Variants in MORC1 observed in about 807,000 individuals in gnomAD.
The protein encoded by MORC1 is MORC family CW-type zinc finger protein 1.
Under a neutral mutation model 134.9 loss-of-function variants are expected in MORC1, and 59 were observed. The observed-to-expected ratio is 0.44, with a 90% CI of 0.35 to 0.54. The LOEUF is 0.54. Among genes scored for constraint, MORC1 ranks in the 20% least tolerant of loss-of-function variants. The probability of loss-of-function intolerance (pLI) is 0.00; values close to 1 mark genes in which losing one functional copy is unlikely to be tolerated. For missense variants in MORC1, 947 were observed against 1,134.5 expected (o/e 0.83, Z 2.37); for synonymous variants, 395 against 391.7 (o/e 1.01, Z -0.10).
chr3:109,082,126 T>TC (rs1950532470), intron 8 of MORC1, among the ~76,000 whole-genome samples: 1 of 151,784 alleles, frequency 6.6e-6, no homozygotes, highest in African/African-American at 2.4e-5. Flanking sequence ...TGCTGGGGAA[T>TC]CCCCCTTAGG....
intron 17 of MORC1, among the ~76,000 whole-genome samples, chr3:109,025,593 G>C (rs938138852): frequency 2.0e-5 from 3 of 151,602 alleles, no homozygotes; most frequent in Admixed American, 1.3e-4. Flanking sequence ...ATGTTGGCCA[G>C]GCTGGTCTCA....
At chr3:109,070,821 G>C (rs974657230) in intron 8 of MORC1, among the ~76,000 whole-genome samples, 3 of 152,188 alleles carry the variant, frequency 2.0e-5, no homozygotes, top group Non-Finnish European at 4.4e-5. Flanking sequence ...TGCCTGGTTG[G>C]TTTTAAGTTC....
intron 21 of MORC1, among the ~76,000 whole-genome samples, chr3:108,997,209 G>C (rs1948258296): frequency 6.6e-6 from 1 of 151,984 alleles, no homozygotes. Flanking sequence ...ACTGGGAAAA[G>C]AGGAAACAAG....
At chr3:108,988,275 A>G (rs540609425) in intron 21 of MORC1, among the ~76,000 whole-genome samples, 2 of 152,306 alleles carry the variant, frequency 1.3e-5, no homozygotes, top group Non-Finnish European at 2.9e-5. Context: ...AATCAAGAGC[A>G]AGAAAAGCCT....
chr3:108,983,118 G>C (rs1428046668), intron 23 of MORC1, among the ~76,000 whole-genome samples: 2 of 152,144 alleles, frequency 1.3e-5, no homozygotes, highest in East Asian at 3.9e-4. Context: ...ATGTGTTTTA[G>C]TTTTTGGATG....
chr3:109,094,733 A>C (rs1950795193), intron 7 of MORC1, among the ~76,000 whole-genome samples, 176 bp downstream of exon 7: 1 of 152,176 alleles, frequency 6.6e-6, no homozygotes, highest in African/African-American at 2.4e-5. Context: ...GATTTACAGT[A>C]ATTTGTTTGG....
chr3:109,049,278 G>T, intron 14 of MORC1: 1 of 280,094 alleles, frequency 3.6e-6, no homozygotes, highest in Non-Finnish European at 5.4e-6. Context: ...ATGTTTTAAG[G>T]AAAATATTCA....
intron 24 of MORC1, among the ~76,000 whole-genome samples, chr3:108,975,955 T>A (rs796890447): frequency 2.4e-4 from 36 of 152,298 alleles, no homozygotes; most frequent in African/African-American, 8.4e-4. Context: ...TACTGCTTTT[T>A]ACATGAATCC....
intron 17 of MORC1, among the ~76,000 whole-genome samples, chr3:109,026,905 G>A (rs1000471683): frequency 1.3e-5 from 2 of 152,158 alleles, no homozygotes; most frequent in Non-Finnish European, 2.9e-5. Context: ...GTAATCTCAG[G>A]TGGTATCTGA....
intron 27 of MORC1, among the ~76,000 whole-genome samples, chr3:108,962,663 T>C (rs1947111969): frequency 6.6e-6 from 1 of 152,198 alleles, no homozygotes; most frequent in South Asian, 2.1e-4. Flanking sequence ...GATTTCTCAA[T>C]TTATTTCTAG....
chr3:109,023,639 T>G (rs895465685), intron 17 of MORC1, among the ~76,000 whole-genome samples: 1 of 152,158 alleles, frequency 6.6e-6, no homozygotes, highest in Admixed American at 6.6e-5. Context: ...ATCATCCTTG[T>G]CACACAATAG....
intron 17 of MORC1, among the ~76,000 whole-genome samples, chr3:109,021,065 C>T (rs146574326): frequency 6.6e-6 from 1 of 152,270 alleles, no homozygotes; most frequent in African/African-American, 2.4e-5. Context: ...CCAGAGGGTA[C>T]AGGCGTGGAG....
intron 8 of MORC1, among the ~76,000 whole-genome samples, chr3:109,092,250 T>A (rs1950744152): frequency 6.6e-6 from 1 of 151,890 alleles, no homozygotes; most frequent in Admixed American, 6.6e-5. Context: ...AGAAAAAAAA[T>A]CCCTCCATTT....
rs747195236 is a variant in MORC1 at position 109,061,983 on chromosome 3, C to T, written c.966+5G>A. The T allele has an allele frequency of 2.5e-6, 4 of 1,612,884 alleles. No homozygotes were observed. Among genetic ancestry groups the T allele is most frequent in the Admixed American group, 3.3e-5 (2 of 60,018 alleles). ...TAATAAGACTACTCTCTTTACATGT[C>T]GTACCTTGGCAGAAGATAAAGAGGT... is the stretch of plus-strand genomic sequence containing the variant. On this transcript the variant is annotated splice_donor_5th_base_variant and intron_variant, in intron 11 of 27. Transcript: ENST00000232603.
intron 24 of MORC1, among the ~76,000 whole-genome samples, chr3:108,972,556 G>T (rs1351980532): frequency 6.6e-6 from 1 of 152,152 alleles, no homozygotes; most frequent in Non-Finnish European, 1.5e-5. Context: ...TGTCTGGCTA[G>T]CAAGAAGATA....
At chr3:108,991,253 G>A (rs1948053125) in intron 21 of MORC1, among the ~76,000 whole-genome samples, 1 of 152,232 alleles carries the variant, frequency 6.6e-6, no homozygotes, top group Non-Finnish European at 1.5e-5. Flanking sequence ...TAGAGGCCAA[G>A]AGAAACAGTA....
At chr3:109,042,346 C>G (rs1949573268) in intron 14 of MORC1, among the ~76,000 whole-genome samples, 1 of 152,162 alleles carries the variant, frequency 6.6e-6, no homozygotes, top group Non-Finnish European at 1.5e-5. Context: ...CTCCATGTGA[C>G]TAAGCACCTG....
intron 26 of MORC1, among the ~76,000 whole-genome samples, chr3:108,968,953 G>GC (rs1947293262): frequency 8.0e-6 from 1 of 125,498 alleles, no homozygotes; most frequent in Admixed American, 7.6e-5. Flanking sequence ...TGGAGTACCA[G>GC]GGTTTTTTTT....
intron 8 of MORC1, among the ~76,000 whole-genome samples, chr3:109,074,805 G>A (rs1392043021): frequency 6.6e-6 from 1 of 152,204 alleles, no homozygotes; most frequent in Non-Finnish European, 1.5e-5. Context: ...AAAGTAGAAT[G>A]AGGGGAATTG....
Sources: allele counts gnomAD v4.1 joint callset (sites outside exome capture counted in the v4.1 genomes callset), GRCh38; gene constraint gnomAD v4.1.1; transcripts MANE v1.5; gene names NCBI Gene and HGNC (gene_info 2026-07-23, HGNC 2026-07-21).